The following DDX5 variants were observed in gnomAD, a reference collection of about 807,000 sequenced individuals.
The protein encoded by DDX5 is DEAD-box helicase 5, also known as probable ATP-dependent RNA helicase DDX5.
DDX5 carries 6 observed loss-of-function variants against 68.6 expected under a neutral mutation model. That is an observed-to-expected ratio of 0.09 (90% CI 0.05 to 0.17). The LOEUF (loss-of-function observed/expected upper bound fraction) is 0.17, where lower values mean the gene tolerates loss of function less well. Ranked by LOEUF, DDX5 falls within the 10% of genes least tolerant of loss-of-function variation. The pLI, the probability that DDX5 is intolerant of heterozygous loss-of-function variation, is 1.00. For missense variants in DDX5, 499 were observed against 756.1 expected (o/e 0.66, Z 3.99); for synonymous variants, 350 against 247.0 (o/e 1.42, Z -3.91).
At chr17:64,506,005 C>A in intron 1 of DDX5, 71 bp downstream of exon 1, 1 of 1,543,530 alleles carries the variant, frequency 6.5e-7, no homozygotes, top group Admixed American at 2.0e-5. Context: ...AAAGCCCCCG[C>A]CGGCCGCCAC....
Position 64,503,566 on chromosome 17 carries a change from C to T in DDX5, c.513G>A (p.Leu171=). The change falls in exon 6 of 13, where the codon TTG becomes TTA. Residue 171 remains leucine (L), a synonymous_variant. Transcript: ENST00000225792. The part of the protein sequence containing the change: ...FLERGDGPIC[L]VLAPTRELAQ... ...CCAGTTCCCGAGTTGGTGCCAGCAC[C>T]AAACACTAAGGAAAGAGAAACAGCT... 6.2e-7 allele frequency: 1 copy of T among 1,613,682 alleles called. No homozygotes were observed. Among genetic ancestry groups the T allele is most frequent in the Non-Finnish European group, 8.5e-7 (1 of 1,179,850 alleles).
intron 1 of DDX5, 57 bp downstream of exon 1, chr17:64,506,019 G>GTGGC: frequency 2.2e-6 from 3 of 1,360,440 alleles, no homozygotes; most frequent in Non-Finnish European, 3.0e-6. Flanking sequence ...CCGCCACCCT[G>GTGGC]ACCCGCCCTC....
intron 8 of DDX5, 44 bp from the exon 9 acceptor site, chr17:64,502,593 A>G (rs781790471): frequency 7.8e-6 from 11 of 1,404,872 alleles, no homozygotes; most frequent in South Asian, 2.3e-5. Context: ...GTTTTAAAAG[A>G]CCATTGCTAG....
chr17:64,506,847 TTGGTCGGCGGAGAA>T, upstream of DDX5: 1 of 606,758 alleles, frequency 1.6e-6, no homozygotes, highest in Non-Finnish European at 3.0e-6. Context: ...TTGACGGGTT[TTGGTCGGCGGAGAA>T]TGGTCTCTAA....
chr17:64,505,213 A>C (rs924361493), intron 1 of DDX5: 3 of 257,866 alleles, frequency 1.2e-5, no homozygotes, highest in Non-Finnish European at 2.2e-5. Flanking sequence ...ACAAGGCTAC[A>C]TGAACCGAAG....
At chr17:64,503,401 T>A (rs781815027) in intron 6 of DDX5, 29 bp downstream of exon 6, 1 of 1,613,902 alleles carries the variant, frequency 6.2e-7, no homozygotes, top group African/African-American at 1.3e-5. Context: ...TTAGCACCAA[T>A]GACAAATAAA....
intron 8 of DDX5, 183 bp from the exon 9 acceptor site, chr17:64,502,732 G>T: frequency 1.4e-6 from 1 of 726,066 alleles, no homozygotes; most frequent in Non-Finnish European, 2.2e-6. Flanking sequence ...GGGGACACAT[G>T]AATTCCTTCT....
At position 64,501,785 on chromosome 17, in the gene DDX5, G is replaced by A. The variant is rs143808570; in HGVS notation, c.1216+225C>T. 108 of 586,282 alleles carry A rather than the reference G, an allele frequency of 1.8e-4. 1 individual carries two copies. The highest frequency in any genetic ancestry group is 6.6e-4 in the South Asian group (31 of 46,970). 36.3% of individuals were successfully genotyped at this position (586,282 alleles called of 1,614,324 possible). On this transcript the variant is annotated intron_variant, in intron 11 of 12. Coordinates refer to ENST00000225792, the MANE Select transcript of DDX5 (RefSeq NM_004396.5). ...TTTGAAGATTACTGGCACACGTTCA[G>A]CTTTTTCACCTCTCTAATCGACTGG...
intron 1 of DDX5, 56 bp downstream of exon 1, chr17:64,506,020 A>AAG: frequency 1.2e-6 from 1 of 868,082 alleles, no homozygotes; most frequent in Non-Finnish European, 1.7e-6. Flanking sequence ...CGCCACCCTG[A>AAG]CCCGCCCTCC....
At chr17:64,503,377 A>G (rs1568103658) in intron 6 of DDX5, 29 bp from the exon 7 acceptor site, 12 of 1,614,114 alleles carry the variant, frequency 7.4e-6, no homozygotes, top group Non-Finnish European at 8.5e-6. Context: ...GTGTAACTAC[A>G]ATACCTAGGA....
chr17:64,506,217 C>A lies in DDX5; in HGVS notation c.-98G>T, dbSNP rs1210918820. 8.5e-5 allele frequency: 133 copies of A among 1,559,292 alleles called. No individual in the cohort carries two copies. The highest frequency in any genetic ancestry group is 1.7e-4 in the Middle Eastern group (1 of 6,018). Reference sequence around the variant, plus strand: ...CGATGACGGCGAAGCCTTGCGGGGGCGGCAGCGGAGGAAGGACACCGATGA... The same window carrying A: ...CGATGACGGCGAAGCCTTGCGGGGGAGGCAGCGGAGGAAGGACACCGATGA... On this transcript the variant is annotated 5_prime_UTR_variant, in exon 1 of 13. Coordinates refer to ENST00000225792, the MANE Select transcript of DDX5 (RefSeq NM_004396.5).
chr17:64,500,434 T>C lies in DDX5; in HGVS notation c.1442-108A>G, dbSNP rs538765364. The C allele has an allele frequency of 2.0e-6, 3 of 1,527,630 alleles. No individual in the cohort carries two copies. The East Asian group carries it at 6.8e-5, about 35-fold the overall frequency. 94.6% of individuals were successfully genotyped at this position (1,527,630 alleles called of 1,614,324 possible). ...GTAGGCGTGAAATGTTTTTACAATT[T>C]TTCAGCTTAAGTTTTCACATTCAAG... is the stretch of plus-strand genomic sequence containing the variant. On this transcript the variant is annotated intron_variant, in intron 12 of 12. Coordinates refer to ENST00000225792, the MANE Select transcript of DDX5 (RefSeq NM_004396.5).
intron 1 of DDX5, 44 bp downstream of exon 1, chr17:64,506,021 CCCGCCCTCCCA>C: frequency 1.1e-6 from 1 of 887,034 alleles, no homozygotes; most frequent in South Asian, 1.5e-5. Context: ...GCCACCCTGA[CCCGCCCTCCCA>C]TCCCCCCACC....
intron 1 of DDX5, 30 bp from the exon 2 acceptor site, chr17:64,504,872 T>C (rs782375166): frequency 2.5e-5 from 39 of 1,584,750 alleles, no homozygotes; most frequent in Non-Finnish European, 3.2e-5. Context: ...TATTCACATT[T>C]TCAAATGGCT....
chr17:64,505,185 A>C, intron 1 of DDX5: 1 of 276,210 alleles, frequency 3.6e-6, no homozygotes, highest in Non-Finnish European at 6.8e-6. Flanking sequence ...CCAGCCTAGC[A>C]ATTCACTATC....
intron 9 of DDX5, 24 bp downstream of exon 9, chr17:64,502,415 T>C: frequency 6.4e-7 from 1 of 1,565,278 alleles, no homozygotes; most frequent in Non-Finnish European, 8.8e-7. Context: ...ATCAATCTGC[T>C]TCAATGGAGG....
chr17:64,505,559 T>C, intron 1 of DDX5: 3 of 650,348 alleles, frequency 4.6e-6, no homozygotes, highest in Non-Finnish European at 8.1e-6. Flanking sequence ...CATTTTGAGC[T>C]CCTCCGCCGG....
upstream of DDX5, chr17:64,506,346 G>A (rs922316158): frequency 1.2e-5 from 18 of 1,455,928 alleles, 1 homozygote; most frequent in South Asian, 2.2e-4. Flanking sequence ...ACGCCGCAGG[G>A]AACGCTGGGA....
rs782239666 is a variant in DDX5 at position 64,503,877 on chromosome 17, G to C, written c.442-9C>G. ...ATGGCAGGAAGCAAATACTATTTAG[G>C]GTGAAAGTGGGGACAAACAGAAATC... On this transcript the variant is annotated splice_polypyrimidine_tract_variant and intron_variant, in intron 4 of 12. Transcript: ENST00000225792. The C allele has an allele frequency of 2.5e-6, 4 of 1,614,112 alleles. No homozygotes were observed. Among genetic ancestry groups the C allele is most frequent in the East Asian group, 4.5e-5 (2 of 44,884 alleles).
Sources: allele counts gnomAD v4.1 joint callset, GRCh38; gene constraint gnomAD v4.1.1; transcripts MANE v1.5; gene names NCBI Gene and HGNC (gene_info 2026-07-23, HGNC 2026-07-21).